GRHL2: variants seen among roughly 807,000 people sequenced by gnomAD.
GRHL2 encodes the protein grainyhead like transcription factor 2.
GRHL2 carries 21 observed loss-of-function variants against 83.8 expected under a neutral mutation model. That is an observed-to-expected ratio of 0.25 (90% CI 0.18 to 0.36). The LOEUF is 0.36. GRHL2 is among the 10% of genes least tolerant of loss of function. The pLI is 1.00. For synonymous variants in GRHL2, 280 were observed against 278.9 expected (o/e 1.00, Z -0.04); for missense variants, 623 against 781.8 (o/e 0.80, Z 2.42).
chr8:101,567,496 G>A (rs1170930909), intron 4 of GRHL2, among the ~76,000 whole-genome samples: 3 of 152,304 alleles, frequency 2.0e-5, no homozygotes, highest in East Asian at 1.9e-4. Context: ...CTAAAGGATG[G>A]TGATGTTTTC....
intron 11 of GRHL2, among the ~76,000 whole-genome samples, chr8:101,636,209 C>G (rs920177178): frequency 3.9e-5 from 6 of 152,178 alleles, no homozygotes; most frequent in Non-Finnish European, 8.8e-5. Flanking sequence ...AAGGATGCTT[C>G]ATAATTTCTT....
chr8:101,669,561 T>TTGA lies in GRHL2; in HGVS notation c.*2860_*2862dup, dbSNP rs1251298592. On this transcript the variant is annotated 3_prime_UTR_variant, in exon 16 of 16. Coordinates refer to ENST00000646743, the MANE Select transcript of GRHL2 (RefSeq NM_024915.4). ...CTTTCTTAAAGACAAGCAAGGGAGA[T>TTGA]TGATATATGTACAATTTGCTCTCAT... The TTGA allele has an allele frequency of 3.9e-5, 6 of 152,102 alleles. No homozygotes were observed. Among genetic ancestry groups the TTGA allele is most frequent in the African/African-American group, 1.5e-4 (6 of 41,264 alleles). 9.4% of individuals were successfully genotyped at this position (152,102 alleles called of 1,614,324 possible).
At position 101,666,953 on chromosome 8, in the gene GRHL2, A is replaced by C; in HGVS notation, c.*250A>C. 1 of 574,676 alleles carries C rather than the reference A, an allele frequency of 1.7e-6. No individual in the cohort carries two copies. The highest frequency in any genetic ancestry group is 2.0e-5 in the South Asian group (1 of 49,868). The allele number at this position is 574,676 out of a possible 1,614,324, so 35.6% of individuals were successfully genotyped here. ...CCTTAGGCCTGTTGGATTCCTATTT[A>C]TTGCCCACCTTTTCCTGGAGCCCAG... is the stretch of plus-strand genomic sequence containing the variant. On this transcript the variant is annotated 3_prime_UTR_variant, in exon 16 of 16. Transcript: ENST00000646743.
chr8:101,641,798 G>T (rs34859891), intron 12 of GRHL2, among the ~76,000 whole-genome samples: 14,995 of 151,992 alleles, frequency 0.099, 1,394 homozygotes, highest in African/African-American at 0.25. Flanking sequence ...CCTCAGGACC[G>T]CCCACGGATA....
chr8:101,530,669 C>G (rs917712145), intron 1 of GRHL2, among the ~76,000 whole-genome samples: 16 of 152,146 alleles, frequency 1.1e-4, no homozygotes, highest in African/African-American at 3.1e-4. Flanking sequence ...ATATGTGTTG[C>G]CTGCTTTCCT....
At chr8:101,608,417 C>G (rs144304297) in intron 8 of GRHL2, among the ~76,000 whole-genome samples, 1,634 of 152,280 alleles carry the variant, frequency 0.011, 13 homozygotes, top group Middle Eastern at 0.034. Flanking sequence ...GGCACTGGGC[C>G]AGGCGGTGGA....
chr8:101,637,173 A>G (rs570041981), intron 12 of GRHL2, among the ~76,000 whole-genome samples: 19 of 152,262 alleles, frequency 1.2e-4, no homozygotes, highest in African/African-American at 4.3e-4. Context: ...ACCCCTTTGA[A>G]TAACTAGCTG....
rs1007246885 is a variant in GRHL2 at position 101,495,482 on chromosome 8, TCTCTA to T, written c.20+2697_20+2701del. Among the ~76,000 whole-genome samples the T allele has an allele frequency of 2.0e-5, 3 of 152,322 alleles. No homozygotes were observed. The East Asian group carries it at 5.8e-4, about 29-fold the overall frequency. ...TTTGTCTTTGTACATATTTTAAAAT[TCTCTA>T]CTCCATCTTAAATTTTATGAAGATT... On this transcript the variant is annotated intron_variant, in intron 1 of 15. Transcript: ENST00000646743.
At chr8:101,583,159 T>G (rs1812091330) in intron 7 of GRHL2, among the ~76,000 whole-genome samples, 1 of 152,134 alleles carries the variant, frequency 6.6e-6, no homozygotes, top group African/African-American at 2.4e-5. Flanking sequence ...GTTGGAGGCT[T>G]TAGATAACCA....
At chr8:101,575,206 C>T (rs1811908677) in intron 6 of GRHL2, among the ~76,000 whole-genome samples, 1 of 144,654 alleles carries the variant, frequency 6.9e-6, no homozygotes, top group Admixed American at 6.9e-5. Flanking sequence ...AATAAATTAG[C>T]TTTTTTTTTT....
In GRHL2 at chr8:101,492,693, C is replaced by T; in HGVS notation, c.-77C>T. The T allele has an allele frequency of 7.5e-7, 1 of 1,329,764 alleles. No individual in the cohort carries two copies. The highest frequency in any genetic ancestry group is 1.1e-6 in the Non-Finnish European group (1 of 920,022). 82.4% of individuals were successfully genotyped at this position (1,329,764 alleles called of 1,614,324 possible). A position where few individuals can be genotyped will look rare whatever the true frequency, so the allele number is the denominator to read the frequency against. On this transcript the variant is annotated 5_prime_UTR_variant, in exon 1 of 16. Coordinates refer to ENST00000646743, the MANE Select transcript of GRHL2 (RefSeq NM_024915.4). ...TCTCGGGCGCTCTCACACACCTTCA[C>T]CTGCACAGACTTGAAAGTCCAGTTT...
chr8:101,605,510 T>C (rs7820410), intron 8 of GRHL2, among the ~76,000 whole-genome samples: 77,406 of 152,072 alleles, frequency 0.51, 21,616 homozygotes, highest in African/African-American at 0.74. Flanking sequence ...AATGGCTGAC[T>C]CCATTTCCTT....
At chr8:101,602,548 T>C (rs572716803) in intron 8 of GRHL2, among the ~76,000 whole-genome samples, 13 of 152,372 alleles carry the variant, frequency 8.5e-5, no homozygotes, top group Middle Eastern at 3.4e-3. Flanking sequence ...TTTGTACTTC[T>C]GTTTAGAATT....
At chr8:101,529,262 A>T (rs926826795) in intron 1 of GRHL2, 3 of 206,912 alleles carry the variant, frequency 1.4e-5, no homozygotes, top group Non-Finnish European at 2.9e-5. Context: ...GTGAAACCCC[A>T]TCTCTACTAA....
At chr8:101,646,508 T>G (rs540375483) in intron 13 of GRHL2, among the ~76,000 whole-genome samples, 93 of 152,360 alleles carry the variant, frequency 6.1e-4, no homozygotes, top group Middle Eastern at 3.4e-3. Flanking sequence ...GGAGTGATTT[T>G]TCTTTGGAAA....
At chr8:101,640,275 A>G (rs922139381) in intron 12 of GRHL2, among the ~76,000 whole-genome samples, 1 of 152,246 alleles carries the variant, frequency 6.6e-6, no homozygotes, top group Non-Finnish European at 1.5e-5. Context: ...TATTATAAGC[A>G]TTAATGTATA....
intron 1 of GRHL2, among the ~76,000 whole-genome samples, chr8:101,521,283 G>T (rs1288762897): frequency 2.0e-5 from 3 of 152,204 alleles, no homozygotes; most frequent in Admixed American, 6.5e-5. Flanking sequence ...TGTTCCCCAA[G>T]AATGTGCCGC....
chr8:101,657,137 A>G (rs554964208), intron 14 of GRHL2, among the ~76,000 whole-genome samples: 2 of 152,312 alleles, frequency 1.3e-5, no homozygotes, highest in Non-Finnish European at 2.9e-5. Context: ...AAACACGGCC[A>G]CCTAGGCAGC....
intron 2 of GRHL2, among the ~76,000 whole-genome samples, chr8:101,550,585 T>TA (rs566838414): frequency 6.6e-6 from 1 of 152,144 alleles, no homozygotes; most frequent in Non-Finnish European, 1.5e-5. Context: ...TTAATGCCTT[T>TA]AAAAAAATTG....
Sources: gnomAD v4.1 joint callset for allele counts (sites outside exome capture counted in the v4.1 genomes callset) on GRCh38, gnomAD v4.1.1 for gene constraint, MANE v1.5 for transcripts, NCBI Gene and HGNC (gene_info 2026-07-23, HGNC 2026-07-21) for gene names.